GSN: variants seen among roughly 807,000 people sequenced by gnomAD.
The protein encoded by GSN is gelsolin.
GSN carries 56 observed loss-of-function variants against 85.7 expected under a neutral mutation model. The ratio of observed to expected loss-of-function variants is 0.65; its 90% CI spans 0.53 to 0.82. GSN has a LOEUF of 0.82. Among genes scored for constraint, GSN ranks in the 40% least tolerant of loss-of-function variants. The probability of loss-of-function intolerance (pLI) is 0.00; values close to 1 mark genes in which losing one functional copy is unlikely to be tolerated. For synonymous variants in GSN, 373 were observed against 399.1 expected (o/e 0.93, Z 0.78); for missense variants, 857 against 979.8 (o/e 0.87, Z 1.67).
upstream of GSN, among the ~76,000 whole-genome samples, chr9:121,205,191 C>T (rs2053863031): frequency 1.3e-5 from 2 of 152,250 alleles, no homozygotes; most frequent in African/African-American, 2.4e-5. Context: ...TTTCCAACCC[C>T]ATCCCCACAG....
intron 1 of GSN, among the ~76,000 whole-genome samples, chr9:121,270,334 T>G (rs568367163): frequency 2.6e-5 from 4 of 152,336 alleles, no homozygotes; most frequent in African/African-American, 7.2e-5. Flanking sequence ...TAAAAACTCG[T>G]TATTCTGAAT....
At chr9:121,281,624 G>A (rs765286979) in intron 2 of GSN, 62 bp downstream of exon 2, 1 of 471,224 alleles carries the variant, frequency 2.1e-6, no homozygotes, top group Non-Finnish European at 4.4e-6. Context: ...GCCCAGGGAA[G>A]CCTGGAGGGG....
rs2064060902 is a variant in GSN at position 121,332,481 on chromosome 9, C to A, written c.2074C>A (p.Pro692Thr). 6.2e-7 allele frequency: 1 copy of A among 1,613,876 alleles called. No homozygotes were observed. Among genetic ancestry groups the A allele is most frequent in the African/African-American group, 1.3e-5 (1 of 74,892 alleles). ...CCCAGCCAATCGGGATCGGCGGACG[C>A]CCATCACCGTGGTGAAGCAAGGCTT... ...TDPANRDRRTPITVVKQGFEP... is the reference protein window; with the variant it reads ...TDPANRDRRTTITVVKQGFEP... The change falls in exon 18 of 18, where the codon CCC becomes ACC. Residue 692 changes from proline to threonine, a missense_variant. By Grantham distance (38) the Pro-to-Thr change is conservative. Transcript: ENST00000432226. The surrounding 1 kb of genome is among the most constrained non-coding windows in gnomAD (Gnocchi z 4.8).
rs760297403 is a variant in GSN at position 121,317,125 on chromosome 9, G to A, written c.793G>A (p.Ala265Thr). The change falls in exon 8 of 18, where the codon GCT (alanine) becomes ACT (threonine). Residue 265 changes from alanine (A) to threonine (T), a missense_variant. Transcript: ENST00000432226. The part of the protein sequence containing the change: ...GAGTMSVSLV[A>T]DENPFAQGAL... ...AGGGACCATGTCCGTCTCCCTCGTG[G>A]CTGATGAGAACCCCTTCGCCCAGGG... 1.2e-6 allele frequency: 2 copies of A among 1,614,202 alleles called. No individual in the cohort carries two copies. Among genetic ancestry groups the A allele is most frequent in the Non-Finnish European group, 1.7e-6 (2 of 1,180,028 alleles).
At position 121,329,908 on chromosome 9, in the gene GSN, G is replaced by T. The variant is rs909695658; in HGVS notation, c.1965+593G>T. Reference sequence around the variant, plus strand: ...GTAGGCATTTTCCTGCTCTCCCAGGGCTTACGTTCTCACAGGGGTGTCAGG... The same window carrying T: ...GTAGGCATTTTCCTGCTCTCCCAGGTCTTACGTTCTCACAGGGGTGTCAGG... On this transcript the variant is annotated intron_variant, in intron 16 of 17. Coordinates refer to ENST00000432226, the MANE Select transcript of GSN (RefSeq NM_198252.3). The surrounding 1 kb of genome is among the most constrained non-coding windows in gnomAD (Gnocchi z 4.6). Among the ~76,000 whole-genome samples the T allele has an allele frequency of 4.6e-5, 7 of 152,204 alleles. No individual in the cohort carries two copies. Among genetic ancestry groups the T allele is most frequent in the Admixed American group, 3.3e-4 (5 of 15,282 alleles).
intron 5 of GSN, among the ~76,000 whole-genome samples, chr9:121,243,709 C>T (rs2054648647): frequency 6.6e-6 from 1 of 152,138 alleles, no homozygotes; most frequent in African/African-American, 2.4e-5. Flanking sequence ...TCCCGAGTAG[C>T]TGGGATTACA....
At chr9:121,286,114 G>C in intron 2 of GSN, 2 of 1,535,520 alleles carry the variant, frequency 1.3e-6, no homozygotes, top group Non-Finnish European at 1.7e-6. Context: ...TGTGTCAGGA[G>C]AGGCCCACAT....
chr9:121,240,627 A>G (rs1381122129), intron 5 of GSN, among the ~76,000 whole-genome samples: 2 of 152,174 alleles, frequency 1.3e-5, no homozygotes, highest in Non-Finnish European at 2.9e-5. Context: ...CTTGTGGTGG[A>G]ACCAGGACCT....
intron 2 of GSN, among the ~76,000 whole-genome samples, chr9:121,295,646 G>A (rs2059142166): frequency 1.3e-5 from 2 of 152,206 alleles, no homozygotes; most frequent in African/African-American, 4.8e-5. Flanking sequence ...ACAGAGGAAA[G>A]GAGGGCCCAG....
chr9:121,269,435 C>T (rs139567330), intron 1 of GSN, among the ~76,000 whole-genome samples: 3 of 152,268 alleles, frequency 2.0e-5, no homozygotes, highest in Admixed American at 1.3e-4. Context: ...CTGCCGTTTG[C>T]GGACTCCTTG....
At chr9:121,331,106 C>T (rs1030328487) in intron 16 of GSN, among the ~76,000 whole-genome samples, 2 of 152,108 alleles carry the variant, frequency 1.3e-5, no homozygotes, top group Non-Finnish European at 2.9e-5. Context: ...GCTGCTAGAT[C>T]CTCCAATTTT....
intron 1 of GSN, among the ~76,000 whole-genome samples, chr9:121,278,854 G>A (rs548326614): frequency 6.6e-6 from 1 of 152,360 alleles, no homozygotes; most frequent in South Asian, 2.1e-4. Flanking sequence ...AGCTCCTGGG[G>A]TGTGTCTGAA....
chr9:121,201,680 G>C, the GSN span: 67 of 152,574 alleles, frequency 4.4e-4, no homozygotes, highest in African/African-American at 1.5e-3. Flanking sequence ...CGGGCGGGAG[G>C]GGGGCGTCAG....
At chr9:121,316,166 G>A (rs1402686469) in intron 7 of GSN, among the ~76,000 whole-genome samples, 1 of 152,154 alleles carries the variant, frequency 6.6e-6, no homozygotes, top group Non-Finnish European at 1.5e-5. Context: ...TTTGAATTTT[G>A]ACTCTTAAGA....
chr9:121,267,675 A>C (rs1464187109), upstream of GSN, among the ~76,000 whole-genome samples: 1 of 152,086 alleles, frequency 6.6e-6, no homozygotes, highest in African/African-American at 2.4e-5. Context: ...TGAGCTGGGA[A>C]TCGCTCTTCC....
intron 4 of GSN, among the ~76,000 whole-genome samples, chr9:121,214,699 C>G (rs552275432): frequency 6.6e-6 from 1 of 152,132 alleles, no homozygotes; most frequent in Non-Finnish European, 1.5e-5. Flanking sequence ...GAGCTCTTGT[C>G]CAAGGTCTCA....
chr9:121,210,182 T>G (rs1330793895), intron 2 of GSN: 2 of 152,236 alleles, frequency 1.3e-5, no homozygotes, highest in South Asian at 2.1e-4. Flanking sequence ...TTGCCCACTC[T>G]CTATGTCCAT....
At chr9:121,220,597 G>A (rs376781323) in intron 4 of GSN, among the ~76,000 whole-genome samples, 12 of 152,246 alleles carry the variant, frequency 7.9e-5, no homozygotes, top group African/African-American at 2.9e-4. Context: ...AGAATCAGTG[G>A]TGGAACCACA....
upstream of GSN, among the ~76,000 whole-genome samples, chr9:121,264,612 C>T (rs2055160528): frequency 6.6e-6 from 1 of 152,218 alleles, no homozygotes. Flanking sequence ...CTCTGTCTTT[C>T]TCTGACCTCC....
Sources: allele counts gnomAD v4.1 joint callset (sites outside exome capture counted in the v4.1 genomes callset), GRCh38; gene constraint gnomAD v4.1.1; non-coding constraint Gnocchi (gnomAD v3.1); transcripts MANE v1.5; gene names NCBI Gene and HGNC (gene_info 2026-07-23, HGNC 2026-07-21).